The following MYOF variants were observed in gnomAD, a reference collection of about 807,000 sequenced individuals.
MYOF encodes myoferlin.
MYOF carries 244 observed loss-of-function variants against 284.2 expected under a neutral mutation model. The observed-to-expected ratio is 0.86, with a 90% confidence interval of 0.77 to 0.95. MYOF has a LOEUF of 0.95. MYOF is among the 40% of genes least tolerant of loss of function. The pLI is 0.00. For synonymous variants in MYOF, 904 were observed against 919.7 expected (o/e 0.98, Z 0.31); for missense variants, 2,496 against 2,560.6 (o/e 0.97, Z 0.54).
At chr10:93,414,639 A>G (rs1332655342) in intron 5 of MYOF, among the ~76,000 whole-genome samples, 1 of 152,206 alleles carries the variant, frequency 6.6e-6, no homozygotes, top group Non-Finnish European at 1.5e-5. Context: ...AAATAAGGTC[A>G]TATTCTGAGG....
chr10:93,380,535 A>T (rs1194040918), intron 20 of MYOF, among the ~76,000 whole-genome samples: 1 of 152,166 alleles, frequency 6.6e-6, no homozygotes, highest in African/African-American at 2.4e-5. Flanking sequence ...CTCTGGCAAT[A>T]CTGTTGGGAA....
chr10:93,335,497 G>A (rs891347210), intron 41 of MYOF, among the ~76,000 whole-genome samples: 3 of 152,196 alleles, frequency 2.0e-5, no homozygotes, highest in South Asian at 2.1e-4. Flanking sequence ...AAGTTGTCAC[G>A]ATGATCCTGC....
intron 16 of MYOF, among the ~76,000 whole-genome samples, chr10:93,394,445 TGTC>T (rs1169044427): frequency 7.2e-5 from 9 of 125,274 alleles, no homozygotes; most frequent in Non-Finnish European, 3.3e-5. Flanking sequence ...GTCACCATCT[TGTC>T]TTTTTTTTTT....
At chr10:93,453,985 C>T (rs2056668293) in intron 2 of MYOF, among the ~76,000 whole-genome samples, 1 of 152,132 alleles carries the variant, frequency 6.6e-6, no homozygotes, top group Non-Finnish European at 1.5e-5. Context: ...GAGTTCGAGA[C>T]CAGCCTGACC....
intron 7 of MYOF, among the ~76,000 whole-genome samples, chr10:93,406,656 T>C (rs1356843487): frequency 6.6e-6 from 1 of 151,522 alleles, no homozygotes; most frequent in East Asian, 2.0e-4. Context: ...CCCCTACCTC[T>C]CATGAGAATG....
rs1844516947 is a variant in MYOF, at chr10:93,351,590, C to G, written c.3664-19G>C. 6.2e-7 allele frequency: 1 copy of G among 1,612,212 alleles called. No individual in the cohort carries two copies. The highest frequency in any genetic ancestry group is 1.3e-5 in the African/African-American group (1 of 74,978). The stretch of plus-strand genomic sequence containing the variant: ...CTTTGCCCTAGAGAAACAAAGTGAT[C>G]CTTAAATTCCCCGACAATCATCCCT... On this transcript the variant is annotated intron_variant, in intron 33 of 53. Coordinates refer to ENST00000359263, the MANE Select transcript of MYOF (RefSeq NM_013451.4).
Position 93,409,059 on chromosome 10 carries a change from A to T in MYOF, c.601-144T>A. 3 of 1,279,406 alleles carry T rather than the reference A, an allele frequency of 2.3e-6. No homozygotes were observed. In the South Asian group the frequency reaches 4.3e-5, roughly 18 times the overall value. The allele number at this position is 1,279,406 out of a possible 1,614,324, so 79.3% of individuals were successfully genotyped here. On this transcript the variant is annotated intron_variant, in intron 6 of 53. Coordinates refer to ENST00000359263, the MANE Select transcript of MYOF (RefSeq NM_013451.4). ...CTTTGTGCTATACCAGGTGCTACCAATTGGGTGGAGCCACCTAGGGTCATT... is the reference window on the plus strand; with the variant it reads ...CTTTGTGCTATACCAGGTGCTACCATTTGGGTGGAGCCACCTAGGGTCATT...
rs1280601907 is a variant in MYOF at position 93,347,774 on chromosome 10, G to C, written c.4092C>G (p.Pro1364=). 1 of 1,610,764 alleles carries C rather than the reference G, an allele frequency of 6.2e-7. No homozygotes were observed. Among genetic ancestry groups the C allele is most frequent in the Non-Finnish European group, 8.5e-7 (1 of 1,177,902 alleles). The part of the protein sequence containing the change: ...SSVLFMKVFL[P]KEELYMPPLV... ...GTGGGGGCATGTACAATTCCTCCTT[G>C]GGCAAGAACTGGGGGTCACAAAGGT... Residue 1364 remains proline (P), a synonymous_variant, in exon 37 of 54, where the codon CCC becomes CCG. Coordinates refer to ENST00000359263, the MANE Select transcript of MYOF (RefSeq NM_013451.4).
intron 1 of MYOF, among the ~76,000 whole-genome samples, chr10:93,471,438 A>T (rs2057143492): frequency 6.6e-6 from 1 of 152,038 alleles, no homozygotes; most frequent in Non-Finnish European, 1.5e-5. Flanking sequence ...TGTTTATGTG[A>T]GTTGGTTGTG....
intron 41 of MYOF, 57 bp from the exon 42 acceptor site, chr10:93,333,970 C>A: frequency 6.4e-7 from 1 of 1,551,320 alleles, no homozygotes; most frequent in Non-Finnish European, 8.7e-7. Context: ...GTAGAGGGCT[C>A]CTGGGAAGTC....
intron 48 of MYOF, 100 bp from the exon 49 acceptor site, chr10:93,320,113 A>G: frequency 7.1e-7 from 1 of 1,410,346 alleles, no homozygotes; most frequent in Non-Finnish European, 9.8e-7. Flanking sequence ...AGGAGAATTA[A>G]TGCACTTTTC....
chr10:93,341,960 T>G (rs1047075594), intron 38 of MYOF: 1 of 1,289,834 alleles, frequency 7.8e-7, no homozygotes, highest in African/African-American at 1.5e-5. Context: ...GTTGACATAC[T>G]GCTTAAGCAC....
intron 29 of MYOF, among the ~76,000 whole-genome samples, chr10:93,357,240 A>T (rs1049845711): frequency 6.6e-6 from 1 of 152,236 alleles, no homozygotes; most frequent in Non-Finnish European, 1.5e-5. Flanking sequence ...TCCATTTTAC[A>T]TATGTAGGAA....
chr10:93,337,342 G>A (rs766997855), intron 40 of MYOF, among the ~76,000 whole-genome samples: 40 of 151,944 alleles, frequency 2.6e-4, no homozygotes, highest in Admixed American at 1.4e-3. Context: ...TAGCTCAGTC[G>A]CTTGTCTTCC....
chr10:93,340,716 A>G (rs1168475254), intron 38 of MYOF, among the ~76,000 whole-genome samples: 2 of 152,056 alleles, frequency 1.3e-5, no homozygotes, highest in Admixed American at 1.3e-4. Context: ...AAACTGCTTT[A>G]TTATGAGGAT....
intron 3 of MYOF, among the ~76,000 whole-genome samples, chr10:93,441,336 A>G (rs555439598): frequency 1.3e-5 from 2 of 152,332 alleles, no homozygotes; most frequent in East Asian, 3.9e-4. Flanking sequence ...TTTTATTCCA[A>G]ACGCAGTCTT....
chr10:93,423,445 T>G (rs1320685184), intron 5 of MYOF, among the ~76,000 whole-genome samples: 1 of 146,538 alleles, frequency 6.8e-6, no homozygotes, highest in Non-Finnish European at 1.5e-5. Flanking sequence ...GAGAATTGTT[T>G]GAACCTAGGG....
In MYOF at chr10:93,409,570, T is replaced by A. The variant is rs1369512146; in HGVS notation, c.600+3A>T. 1 of 1,611,204 alleles carries A rather than the reference T, an allele frequency of 6.2e-7. No individual in the cohort carries two copies. The highest frequency in any genetic ancestry group is 1.1e-5 in the South Asian group (1 of 90,560). ...AAGAAGCAGAACGCCAGGCCGTTGC[T>A]ACCTGGAAGTCCTGTGGCTTATTTG... is the stretch of plus-strand genomic sequence containing the variant. On this transcript the variant is annotated splice_donor_region_variant and intron_variant, in intron 6 of 53. Transcript: ENST00000359263.
Position 93,325,854 on chromosome 10 carries a change from T to G in MYOF, c.5243A>C (p.His1748Pro). The change falls in exon 46 of 54, where the codon CAC becomes CCC. Residue 1748 changes from histidine (H) to proline (P), a missense_variant. This residue lies in a region of MYOF where 2,436 missense variants were observed against 2,480.7 expected (regional missense o/e 0.98). Transcript: ENST00000359263. ...VPEHVETRTL[H>P]STFQPNISQG... ...GGAAATGTTGGGCTGGAAGGTGCTG[T>G]GCAAAGTCCTTGTTTCCACGTGCTC... The G allele has an allele frequency of 6.2e-7, 1 of 1,614,096 alleles. No individual in the cohort carries two copies. The highest frequency in any genetic ancestry group is 2.2e-5 in the East Asian group (1 of 44,868).
Sources: gnomAD v4.1 joint callset for allele counts (sites outside exome capture counted in the v4.1 genomes callset) on GRCh38, gnomAD v4.1.1 for gene constraint, gnomAD v4.1.1 regional missense constraint, MANE v1.5 for transcripts, NCBI Gene and HGNC (gene_info 2026-07-23, HGNC 2026-07-21) for gene names.